Variants in CARMIL1 observed in about 807,000 individuals in gnomAD.
CARMIL1 encodes the protein F-actin-uncapping protein LRRC16A.
CARMIL1 carries 90 observed loss-of-function variants against 177.1 expected under a neutral mutation model. The ratio of observed to expected loss-of-function variants is 0.51; its 90% CI spans 0.43 to 0.61. The LOEUF is 0.61. Among genes scored for constraint, CARMIL1 ranks in the 20% least tolerant of loss-of-function variants. CARMIL1 has a pLI of 0.00. For synonymous variants in CARMIL1, 577 were observed against 606.2 expected (o/e 0.95, Z 0.71); for missense variants, 1,380 against 1,667.0 (o/e 0.83, Z 3.00).
At chr6:25,612,804 G>A in intron 36 of CARMIL1, 1 of 985,256 alleles carries the variant, frequency 1.0e-6, no homozygotes, top group Non-Finnish European at 1.2e-6. Flanking sequence ...CCAGTAGAGG[G>A]AAAAGATCTT....
chr6:25,485,964 A>G (rs1482646123), intron 12 of CARMIL1, among the ~76,000 whole-genome samples: 2 of 151,350 alleles, frequency 1.3e-5, no homozygotes, highest in African/African-American at 2.4e-5. Context: ...TCCCCATGAC[A>G]TCACCACTGC....
chr6:25,441,337 A>ATATATATATGTGTG, intron 5 of CARMIL1, among the ~76,000 whole-genome samples: 99 of 94,520 alleles, frequency 1.0e-3, no homozygotes, highest in South Asian at 4.5e-3. Flanking sequence ...ATATATATAT[A>ATATATATATGTGTG]TGTGTGTGTG....
Position 25,580,997 on chromosome 6 carries a change from G to A in CARMIL1, c.2809+7G>A. On this transcript the variant is annotated splice_region_variant and intron_variant, in intron 30 of 36. Transcript: ENST00000329474. ...CCTGTTTCTAGGGCTTTTGGTAAGTGTTTTGCTGCTGCCAATCATTTCCTT... is the reference window on the plus strand; with the variant it reads ...CCTGTTTCTAGGGCTTTTGGTAAGTATTTTGCTGCTGCCAATCATTTCCTT... The A allele has an allele frequency of 6.3e-7, 1 of 1,588,834 alleles. No individual in the cohort carries two copies. The highest frequency in any genetic ancestry group is 8.6e-7 in the Non-Finnish European group (1 of 1,166,524).
intron 2 of CARMIL1, among the ~76,000 whole-genome samples, chr6:25,359,157 C>T (rs570454650): frequency 6.6e-6 from 1 of 152,254 alleles, no homozygotes; most frequent in Admixed American, 6.5e-5. Context: ...CTCTGTTGGG[C>T]AGAAGTCTGT....
At chr6:25,556,194 C>T (rs1229941087) in intron 28 of CARMIL1, among the ~76,000 whole-genome samples, 11 of 152,164 alleles carry the variant, frequency 7.2e-5, no homozygotes. Flanking sequence ...TTGTTAATTT[C>T]AGCCAAGCTT....
chr6:25,509,750 T>C lies in CARMIL1; in HGVS notation c.1477+13T>C, dbSNP rs375137401. ...ATCTCTGACAATGGTAAGTCAGATA[T>C]TGAAAAGAAATGAAACTGAAATATT... On this transcript the variant is annotated intron_variant, in intron 18 of 36. Coordinates refer to ENST00000329474, the MANE Select transcript of CARMIL1 (RefSeq NM_017640.6). The surrounding 1 kb of genome is among the most constrained non-coding windows in gnomAD (Gnocchi z 4.1). 9.1e-6 allele frequency: 14 copies of C among 1,533,372 alleles called. No homozygotes were observed. The African/African-American group carries it at 1.5e-4, about 16-fold the overall frequency. The allele number at this position is 1,533,372 out of a possible 1,614,324, so 95.0% of individuals were successfully genotyped here.
intron 17 of CARMIL1, among the ~76,000 whole-genome samples, chr6:25,505,705 G>A (rs137915337): frequency 3.3e-5 from 5 of 152,164 alleles, no homozygotes; most frequent in Admixed American, 6.5e-5. Flanking sequence ...CACCTACCTC[G>A]GCCTCTCAAA....
intron 29 of CARMIL1, among the ~76,000 whole-genome samples, chr6:25,580,653 AC>A: frequency 6.6e-6 from 1 of 152,300 alleles, no homozygotes; most frequent in East Asian, 1.9e-4. Context: ...ATCCTCTTAC[AC>A]AGCTTGGAAT....
chr6:25,385,405 T>C (rs942174834), intron 2 of CARMIL1, among the ~76,000 whole-genome samples: 12 of 152,200 alleles, frequency 7.9e-5, no homozygotes, highest in African/African-American at 2.7e-4. Flanking sequence ...GGTGGCTCTG[T>C]GCAATGTGGT....
intron 2 of CARMIL1, among the ~76,000 whole-genome samples, chr6:25,392,053 CATGTGTGTGTGTGTGTGTGTGTGTGTGT>C (rs1792885647): frequency 9.3e-6 from 1 of 107,578 alleles, no homozygotes; most frequent in African/African-American, 4.5e-5. Flanking sequence ...TGTGTATATG[CATGTGTGTGTGTGTGTGTGTGTGTGTGT>C]GTGTGTGTGT....
At chr6:25,529,026 T>C in intron 24 of CARMIL1, 133 bp downstream of exon 24, 1 of 680,710 alleles carries the variant, frequency 1.5e-6, no homozygotes, top group Non-Finnish European at 2.4e-6. Context: ...CAAATCTAAG[T>C]AGAGTTTGAG....
chr6:25,612,294 C>T (rs1816568898), intron 36 of CARMIL1: 1 of 152,198 alleles, frequency 6.6e-6, no homozygotes, highest in Admixed American at 6.5e-5. Context: ...TATAAACTGT[C>T]CATATTGTGC....
intron 2 of CARMIL1, among the ~76,000 whole-genome samples, chr6:25,325,312 C>T (rs1784983300): frequency 6.6e-6 from 1 of 152,176 alleles, no homozygotes; most frequent in Non-Finnish European, 1.5e-5. Context: ...CATATTGTCA[C>T]ATACCATGAG....
intron 31 of CARMIL1, among the ~76,000 whole-genome samples, chr6:25,589,372 T>C (rs544706691): frequency 1.1e-4 from 16 of 152,370 alleles, no homozygotes; most frequent in African/African-American, 3.8e-4. Flanking sequence ...ATGTACTTCA[T>C]ATGAAATTGT....
chr6:25,550,763 G>A, intron 26 of CARMIL1, 147 bp from the exon 27 acceptor site: 1 of 665,300 alleles, frequency 1.5e-6, no homozygotes, highest in Non-Finnish European at 2.6e-6. Context: ...CCCTGGGGCA[G>A]CTCAGAATTC....
At chr6:25,512,870 A>T (rs541918) in intron 20 of CARMIL1, among the ~76,000 whole-genome samples, 66,359 of 151,992 alleles carry the variant, frequency 0.44, 14,884 homozygotes, top group Middle Eastern at 0.52. Flanking sequence ...ACAGAATGTG[A>T]TTCTCCTGGG....
chr6:25,467,012 C>T (rs761976395), intron 9 of CARMIL1, among the ~76,000 whole-genome samples: 1 of 152,190 alleles, frequency 6.6e-6, no homozygotes, highest in Non-Finnish European at 1.5e-5. Flanking sequence ...TCTTATTCAT[C>T]TCTACCCAGT....
chr6:25,427,368 CTTTGTTGCATGTCTCAATAGT>C (rs1265692431), intron 4 of CARMIL1, among the ~76,000 whole-genome samples: 1 of 152,032 alleles, frequency 6.6e-6, no homozygotes, highest in Non-Finnish European at 1.5e-5. Context: ...GATTGATCTA[CTTTGTTGCATGTCTCAATAGT>C]TTATTCTTTT....
chr6:25,607,243 A>G lies in CARMIL1; in HGVS notation c.3847+970A>G, dbSNP rs951437327. On this transcript the variant is annotated intron_variant, in intron 35 of 36. Transcript: ENST00000329474. ...TTTTTTTTTAATTTAACTTACCATT[A>G]TAAGAATTTTCAAACATATACAAAA... 3.3e-5 allele frequency among the ~76,000 whole-genome samples: 5 copies of G among 151,972 alleles called. No individual in the cohort carries two copies. The East Asian group carries it at 9.6e-4, about 29-fold the overall frequency.
Sources: allele counts gnomAD v4.1 joint callset (sites outside exome capture counted in the v4.1 genomes callset), GRCh38; gene constraint gnomAD v4.1.1; non-coding constraint Gnocchi (gnomAD v3.1); transcripts MANE v1.5; gene names NCBI Gene and HGNC (gene_info 2026-07-23, HGNC 2026-07-21).